Variants in GABRB2 observed in about 807,000 individuals in gnomAD.
The protein encoded by GABRB2 is gamma-aminobutyric acid type A receptor subunit beta2.
Under a neutral mutation model 54.7 loss-of-function variants are expected in GABRB2, and 16 were observed. That is an observed-to-expected ratio of 0.29 (90% confidence interval 0.20 to 0.44). The LOEUF is 0.44. Ranked by LOEUF, GABRB2 falls within the 20% of genes least tolerant of loss-of-function variation. The pLI, the probability that GABRB2 is intolerant of heterozygous loss-of-function variation, is 1.00. For synonymous variants in GABRB2, 244 were observed against 233.8 expected (o/e 1.04, Z -0.40); for missense variants, 355 against 644.0 (o/e 0.55, Z 4.86).
chr5:161,485,621 A>C (rs529023265), intron 3 of GABRB2, among the ~76,000 whole-genome samples: 37 of 151,916 alleles, frequency 2.4e-4, no homozygotes, highest in Non-Finnish European at 4.0e-4. Flanking sequence ...ATTCCCTTCG[A>C]AAATCAGCCC....
intron 5 of GABRB2, among the ~76,000 whole-genome samples, chr5:161,394,077 C>T (rs986799494): frequency 1.6e-4 from 25 of 151,890 alleles, no homozygotes; most frequent in Admixed American, 5.2e-4. Context: ...TATAGGAAAA[C>T]GCCTACTAAC....
At chr5:161,496,294 G>A (rs1047096865) in intron 3 of GABRB2, among the ~76,000 whole-genome samples, 7 of 152,086 alleles carry the variant, frequency 4.6e-5, no homozygotes, top group African/African-American at 1.7e-4. Flanking sequence ...CATTCAAAAT[G>A]TCTAAACAAG....
chr5:161,341,765 T>G (rs976088406), intron 5 of GABRB2, among the ~76,000 whole-genome samples: 17 of 150,866 alleles, frequency 1.1e-4, no homozygotes, highest in African/African-American at 4.1e-4. Flanking sequence ...TTTAAAAAGT[T>G]ATTTTCTCTC....
chr5:161,328,418 A>G (rs1197688084), intron 8 of GABRB2, among the ~76,000 whole-genome samples: 1 of 152,200 alleles, frequency 6.6e-6, no homozygotes, highest in Non-Finnish European at 1.5e-5. Context: ...TTTGCACATT[A>G]TCACAATTAT....
chr5:161,376,315 T>C (rs765190697), intron 5 of GABRB2, among the ~76,000 whole-genome samples: 22 of 152,126 alleles, frequency 1.4e-4, no homozygotes, highest in Non-Finnish European at 8.8e-5. Flanking sequence ...TGACTTTCTA[T>C]ACATGAAAAT....
intron 4 of GABRB2, among the ~76,000 whole-genome samples, chr5:161,414,283 T>A (rs1756599979): frequency 6.6e-6 from 1 of 152,054 alleles, no homozygotes; most frequent in South Asian, 2.1e-4. Context: ...ATCCTGAAAA[T>A]TTCAATGAAA....
At chr5:161,517,488 A>G (rs1345728414) in intron 3 of GABRB2, among the ~76,000 whole-genome samples, 1 of 152,176 alleles carries the variant, frequency 6.6e-6, no homozygotes, top group Non-Finnish European at 1.5e-5. Context: ...GTTGAAGTCA[A>G]TTGAGGAAAT....
chr5:161,331,812 T>G (rs1032581942), intron 7 of GABRB2, among the ~76,000 whole-genome samples: 1 of 151,978 alleles, frequency 6.6e-6, no homozygotes, highest in Non-Finnish European at 1.5e-5. Context: ...AATTTGCATT[T>G]AGAACAATCA....
At chr5:161,480,581 A>G (rs889666947) in intron 3 of GABRB2, among the ~76,000 whole-genome samples, 1 of 152,060 alleles carries the variant, frequency 6.6e-6, no homozygotes, top group African/African-American at 2.4e-5. Flanking sequence ...AGTGTTTGGC[A>G]TTGGTGGTAA....
At chr5:161,489,524 A>C (rs987454245) in intron 3 of GABRB2, among the ~76,000 whole-genome samples, 3 of 151,688 alleles carry the variant, frequency 2.0e-5, no homozygotes, top group Non-Finnish European at 4.4e-5. Context: ...AAATGAGAGG[A>C]TCTAAACTCA....
intron 3 of GABRB2, among the ~76,000 whole-genome samples, chr5:161,493,782 T>C (rs1294013282): frequency 6.6e-6 from 1 of 151,808 alleles, no homozygotes; most frequent in Non-Finnish European, 1.5e-5. Flanking sequence ...ACCAATTTGA[T>C]AGAAGTATCT....
At chr5:161,499,169 C>T (rs181278505) in intron 3 of GABRB2, among the ~76,000 whole-genome samples, 3,020 of 152,130 alleles carry the variant, frequency 0.02, 230 homozygotes, top group Admixed American at 0.14. Flanking sequence ...TTGACTCTGC[C>T]GGACTTCGTA....
intron 4 of GABRB2, among the ~76,000 whole-genome samples, chr5:161,439,200 A>C (rs1757391808): frequency 6.6e-6 from 1 of 152,246 alleles, no homozygotes; most frequent in South Asian, 2.1e-4. Context: ...GTCTGGTAGC[A>C]GACTTTTCAG....
chr5:161,473,020 T>A (rs140325948), intron 3 of GABRB2, among the ~76,000 whole-genome samples: 7 of 152,136 alleles, frequency 4.6e-5, no homozygotes, highest in African/African-American at 1.7e-4. Flanking sequence ...AGATTCTAAA[T>A]AATTAGCAAC....
chr5:161,403,598 C>T (rs543437878), intron 5 of GABRB2, among the ~76,000 whole-genome samples: 4 of 151,932 alleles, frequency 2.6e-5, no homozygotes, highest in East Asian at 1.9e-4. Context: ...CAGCACACAT[C>T]GTCACAAAAA....
At chr5:161,319,470 A>G (rs1464470177) in intron 9 of GABRB2, among the ~76,000 whole-genome samples, 2 of 149,304 alleles carry the variant, frequency 1.3e-5, no homozygotes, top group Non-Finnish European at 3.0e-5. Flanking sequence ...CAACTCATCT[A>G]TATGGAAAAT....
chr5:161,344,499 T>G (rs1754259836), intron 5 of GABRB2, among the ~76,000 whole-genome samples: 1 of 152,024 alleles, frequency 6.6e-6, no homozygotes, highest in Non-Finnish European at 1.5e-5. Context: ...ATGCTACATA[T>G]GCTGGTACTA....
intron 4 of GABRB2, among the ~76,000 whole-genome samples, chr5:161,448,303 G>A (rs982621043): frequency 1.3e-5 from 2 of 152,072 alleles, no homozygotes; most frequent in Non-Finnish European, 2.9e-5. Flanking sequence ...TGCACCTGTA[G>A]TCCCAGCTAC....
chr5:161,522,921 A>C (rs1760163095), intron 3 of GABRB2, among the ~76,000 whole-genome samples: 1 of 151,498 alleles, frequency 6.6e-6, no homozygotes, highest in African/African-American at 2.4e-5. Context: ...TTGTGACATC[A>C]TGTAAAATTA....
Sources: gnomAD v4.1 joint callset for allele counts (sites outside exome capture counted in the v4.1 genomes callset) on GRCh38, gnomAD v4.1.1 for gene constraint, MANE v1.5 for transcripts, NCBI Gene and HGNC (gene_info 2026-07-23, HGNC 2026-07-21) for gene names.